The following KCNH2 variants were observed in gnomAD, a reference collection of about 807,000 sequenced individuals.
KCNH2 encodes potassium voltage-gated channel subfamily H member 2.
KCNH2 carries 35 observed loss-of-function variants against 95.9 expected under a neutral mutation model. That is an observed-to-expected ratio of 0.37 (90% CI 0.28 to 0.48). KCNH2 has a LOEUF of 0.48. KCNH2 is among the 20% of genes least tolerant of loss of function. The pLI is 0.99. For missense variants in KCNH2, 1,274 were observed against 1,702.9 expected (o/e 0.75, Z 4.43); for synonymous variants, 786 against 754.7 (o/e 1.04, Z -0.68).
rs1325776019 is a variant in KCNH2, at chr7:150,952,802, G to A, written c.1180C>T (p.Arg394Cys). Residue 394 changes from arginine (R) to cysteine (C), a missense_variant, in exon 6 of 15, where the codon CGC becomes TGC. Physicochemically the swap from Arg to Cys is radical, Grantham distance 180 (BLOSUM62 -3). Transcript: ENST00000262186. The surrounding 1 kb of genome is among the most constrained non-coding windows in gnomAD (Gnocchi z 7.3). ...TGCAGGATGGTCCAGCGGTGGATGC[G>A]CGGTGCCTGCAGCTTGTACTCAGGC... The part of the protein sequence containing the change: ...VLPEYKLQAP[R>C]IHRWTILHYS... 10 of 1,614,066 alleles carry A rather than the reference G, an allele frequency of 6.2e-6. No individual in the cohort carries two copies. The highest frequency in any genetic ancestry group is 1.7e-5 in the Admixed American group (1 of 60,008).
At chr7:150,949,994 G>C (rs910302906) in intron 9 of KCNH2, 174 bp downstream of exon 9, 1 of 1,556,196 alleles carries the variant, frequency 6.4e-7, no homozygotes, top group Non-Finnish European at 8.7e-7. Flanking sequence ...CCCCACGTGG[G>C]GCTCCTCTCC....
chr7:150,970,295 C>T (rs1801807360), intron 2 of KCNH2, among the ~76,000 whole-genome samples: 1 of 151,120 alleles, frequency 6.6e-6, no homozygotes, highest in Non-Finnish European at 1.5e-5. Context: ...CCTTCTGCTG[C>T]CCCATGGCCC....
At position 150,948,513 on chromosome 7, in the gene KCNH2, T is replaced by G; in HGVS notation, c.2623A>C (p.Thr875Pro). 6.2e-7 allele frequency: 1 copy of G among 1,613,038 alleles called. No individual in the cohort carries two copies. Among genetic ancestry groups the G allele is most frequent in the Non-Finnish European group, 8.5e-7 (1 of 1,179,726 alleles). ...TNMIPGSPGS[T>P]ELEGGFSRQR... ...CGACTGAAGCCACCCTCTAACTCCGTACTGCCGGGGGAGCCCGGGATCATG... is the reference window on the plus strand; with the variant it reads ...CGACTGAAGCCACCCTCTAACTCCGGACTGCCGGGGGAGCCCGGGATCATG... Residue 875 changes from threonine to proline, a missense_variant, in exon 11 of 15, where the codon ACG becomes CCG. Coordinates refer to ENST00000262186, the MANE Select transcript of KCNH2 (RefSeq NM_000238.4).
chr7:150,954,943 C>T (rs1014442549), intron 5 of KCNH2, among the ~76,000 whole-genome samples: 3 of 152,234 alleles, frequency 2.0e-5, no homozygotes, highest in African/African-American at 7.2e-5. Context: ...CCTCGACCCC[C>T]CAAAACAGCA....
At position 150,958,480 on chromosome 7, in the gene KCNH2, C is replaced by A; in HGVS notation, c.495G>T (p.Leu165=). 1 of 1,470,808 alleles carries A rather than the reference C, an allele frequency of 6.8e-7. No homozygotes were observed. The highest frequency in any genetic ancestry group is 1.5e-5 in the African/African-American group (1 of 68,412). 91.1% of individuals were successfully genotyped at this position (1,470,808 alleles called of 1,614,324 possible). A position where few individuals can be genotyped will look rare whatever the true frequency, so the allele number is the denominator to read the frequency against. The change falls in exon 4 of 15, where the codon CTG becomes CTT. Residue 165 remains leucine (L), a synonymous_variant. Transcript: ENST00000262186. ...TCAGCGCCAGCAGCGCGGGCAGCTT[C>A]AGGCGGAAGGTCTTGGCGCGGCCTG... The part of the protein sequence containing the change: ...LAPGRAKTFR[L]KLPALLALTA...
At chr7:150,974,964 G>A (rs1211309974) in intron 1 of KCNH2, 23 bp from the exon 2 acceptor site, 16 of 1,559,366 alleles carry the variant, frequency 1.0e-5, no homozygotes, top group Non-Finnish European at 1.3e-5. Context: ...GGAGGAGAGT[G>A]CGCGTGAGCG....
chr7:150,948,712 G>T, intron 10 of KCNH2, 144 bp downstream of exon 10: 1 of 1,078,104 alleles, frequency 9.3e-7, no homozygotes. Context: ...CTGAGTTTGG[G>T]ACTTTTGTAG....
In KCNH2 at chr7:150,958,303, C is replaced by T; in HGVS notation, c.672G>A (p.Gly224=). 1 of 1,478,600 alleles carries T rather than the reference C, an allele frequency of 6.8e-7. No homozygotes were observed. The allele number at this position is 1,478,600 out of a possible 1,614,324, so 91.6% of individuals were successfully genotyped here. A position where few individuals can be genotyped will look rare whatever the true frequency, so the allele number is the denominator to read the frequency against. The change falls in exon 4 of 15, where the codon GGG becomes GGA. Residue 224 remains glycine, a synonymous_variant. Transcript: ENST00000262186. ...CACGCCGCTCCTCCGCGGGCCCGAG[C>T]CCTGCCACGTGGTTGTCCATGGCTG... ...EVTAMDNHVA[G]LGPAEERRAL...
At chr7:150,972,094 A>G (rs1465396916) in intron 2 of KCNH2, among the ~76,000 whole-genome samples, 1 of 152,164 alleles carries the variant, frequency 6.6e-6, no homozygotes, top group African/African-American at 2.4e-5. Context: ...CTCTCCCTTC[A>G]GCCCACACTC....
intron 5 of KCNH2, chr7:150,955,734 CCCCGTGGCGTGG>C: frequency 7.7e-7 from 1 of 1,300,190 alleles, no homozygotes; most frequent in African/African-American, 1.5e-5. Context: ...CTGCCCATGG[CCCCGTGGCGTGG>C]GCCCTGCTGC....
rs886062091 is a variant in KCNH2, at chr7:150,978,120, G to A, written c.-207C>T. The A allele has an allele frequency of 8.2e-5, 13 of 157,994 alleles. No homozygotes were observed. Among genetic ancestry groups the A allele is most frequent in the Admixed American group, 4.6e-4 (7 of 15,142 alleles). The allele number at this position is 157,994 out of a possible 1,614,324, so 9.8% of individuals were successfully genotyped here. On this transcript the variant is annotated 5_prime_UTR_variant, in exon 1 of 15. Transcript: ENST00000262186. ...CGGACCCCGGGCCCGGCCTGGAGCC[G>A]CCTGAGCGCGAGCCGCCCGCCGCCG...
At position 150,948,411 on chromosome 7, in the gene KCNH2, C is replaced by T. The variant is rs564659318; in HGVS notation, c.2692+33G>A. 7.9e-6 allele frequency: 9 copies of T among 1,137,692 alleles called. No individual in the cohort carries two copies. In the South Asian group the frequency reaches 9.2e-5, roughly 12 times the overall value. 70.5% of individuals were successfully genotyped at this position (1,137,692 alleles called of 1,614,324 possible). A position where few individuals can be genotyped will look rare whatever the true frequency, so the allele number is the denominator to read the frequency against. Reference sequence around the variant, plus strand: ...CCAGCTCCCAGCCTCACCTTGTCCCCGCCCTCCCCCTTCCTCCCCTCCCCC... The same window carrying T: ...CCAGCTCCCAGCCTCACCTTGTCCCTGCCCTCCCCCTTCCTCCCCTCCCCC... On this transcript the variant is annotated intron_variant, in intron 11 of 14. Coordinates refer to ENST00000262186, the MANE Select transcript of KCNH2 (RefSeq NM_000238.4).
intron 5 of KCNH2, among the ~76,000 whole-genome samples, chr7:150,953,147 A>G (rs1042011056): frequency 3.9e-5 from 6 of 152,172 alleles, no homozygotes; most frequent in Non-Finnish European, 7.4e-5. Context: ...CCCCGCCGGC[A>G]ATGCAGATGC....
intron 2 of KCNH2, among the ~76,000 whole-genome samples, chr7:150,968,796 G>A (rs551091073): frequency 1.5e-4 from 23 of 152,278 alleles, no homozygotes; most frequent in Admixed American, 3.3e-4. Flanking sequence ...AGGATGGGGC[G>A]GGGTGCACCA....
At chr7:150,966,242 T>G (rs1221805331) in intron 2 of KCNH2, among the ~76,000 whole-genome samples, 1 of 152,138 alleles carries the variant, frequency 6.6e-6, no homozygotes, top group African/African-American at 2.4e-5. Context: ...GCCTGTAGGC[T>G]TCTAGGTCTG....
chr7:150,945,400 G>A lies in KCNH2; in HGVS notation c.3445C>T (p.Pro1149Ser). 2 of 1,586,478 alleles carry A rather than the reference G, an allele frequency of 1.3e-6. No individual in the cohort carries two copies. Among genetic ancestry groups the A allele is most frequent in the Admixed American group, 1.8e-5 (1 of 56,600 alleles). The change falls in exon 15 of 15, where the codon CCC becomes TCC. Residue 1149 changes from proline (P) to serine (S), a missense_variant. By Grantham distance (74) the Pro-to-Ser change is moderately conservative (BLOSUM62 -1). Coordinates refer to ENST00000262186, the MANE Select transcript of KCNH2 (RefSeq NM_000238.4). This position sits in a 1 kb window ranked among gnomAD's most constrained non-coding sequence, Gnocchi z 5.6. Reference protein sequence around the residue: ...PGQLGALTSQPLHRHGSDPGS With the variant: ...PGQLGALTSQSLHRHGSDPGS ...GGGTCCGAGCCGTGTCTGTGCAGGGGCTGGGAGGTGAGGGCCCCCAGCTGG... is the reference window on the plus strand; with the variant it reads ...GGGTCCGAGCCGTGTCTGTGCAGGGACTGGGAGGTGAGGGCCCCCAGCTGG...
chr7:150,953,520 C>A (rs1044494818), intron 5 of KCNH2, among the ~76,000 whole-genome samples: 5 of 152,142 alleles, frequency 3.3e-5, no homozygotes, highest in African/African-American at 1.2e-4. Context: ...GGAGATGGCA[C>A]CCAACTTATA....
In KCNH2 at chr7:150,951,119, G is replaced by A. The variant is rs1423653286; in HGVS notation, c.1947C>T (p.Ser649=). Residue 649 remains serine, a splice_region_variant and synonymous_variant, in exon 8 of 15, where the codon TCC becomes TCT. Transcript: ENST00000262186. Reference sequence around the variant, plus strand: ...TGCCGAAGATGCTAGCATACATGAGGGCTGGGGGCGTGGGCACGTGGGGCC... The same window carrying A: ...TGCCGAAGATGCTAGCATACATGAGAGCTGGGGGCGTGGGCACGTGGGGCC... ...IFSICVMLIG[S]LMYASIFGNV... is the part of the protein sequence containing the mutation. The A allele has an allele frequency of 1.9e-6, 3 of 1,601,178 alleles. No homozygotes were observed. The highest frequency in any genetic ancestry group is 2.2e-5 in the East Asian group (1 of 44,648).
At chr7:150,958,605 G>T in intron 3 of KCNH2, 103 bp from the exon 4 acceptor site, 1 of 920,978 alleles carries the variant, frequency 1.1e-6, no homozygotes, top group Non-Finnish European at 1.5e-6. Flanking sequence ...GGAAGGAGGG[G>T]AACGGGCAAC....
Sources: gnomAD v4.1 joint callset for allele counts (sites outside exome capture counted in the v4.1 genomes callset) on GRCh38, gnomAD v4.1.1 for gene constraint, Gnocchi (gnomAD v3.1) non-coding constraint, MANE v1.5 for transcripts, NCBI Gene and HGNC (gene_info 2026-07-23, HGNC 2026-07-21) for gene names.